Variants in DCP1A observed in about 807,000 individuals in gnomAD.
DCP1A encodes the protein mRNA-decapping enzyme 1A.
A neutral mutation model predicts 58.0 loss-of-function variants in DCP1A; 20 were observed. The ratio of observed to expected loss-of-function variants is 0.34; its 90% CI spans 0.24 to 0.50. DCP1A has a LOEUF of 0.50. Ranked by LOEUF, DCP1A falls within the 20% of genes least tolerant of loss-of-function variation. The pLI, the probability that DCP1A is intolerant of heterozygous loss-of-function variation, is 0.98. For missense variants in DCP1A, 613 were observed against 712.2 expected (o/e 0.86, Z 1.59); for synonymous variants, 285 against 275.1 (o/e 1.04, Z -0.36).
intron 5 of DCP1A, among the ~76,000 whole-genome samples, chr3:53,308,009 T>C (rs1263843562): frequency 1.3e-5 from 2 of 152,174 alleles, no homozygotes; most frequent in South Asian, 2.1e-4. Flanking sequence ...ATAAAAAAGA[T>C]AGTTATTTGG....
Position 53,286,947 on chromosome 3 carries a change from C to G in DCP1A, c.*633G>C, listed in dbSNP as rs1553685179. 1 of 152,260 alleles carries G rather than the reference C, an allele frequency of 6.6e-6. No individual in the cohort carries two copies. Among genetic ancestry groups the G allele is most frequent in the African/African-American group, 2.4e-5 (1 of 41,434 alleles). 9.4% of individuals were successfully genotyped at this position (152,260 alleles called of 1,614,324 possible). ...CAAATGGTAATGCTGCACTGGGGGC[C>G]TGCTGCAGGGCAGGACTGGGGCACT... On this transcript the variant is annotated 3_prime_UTR_variant, in exon 10 of 10. Coordinates refer to ENST00000610213, the MANE Select transcript of DCP1A (RefSeq NM_018403.7).
chr3:53,329,224 A>G lies in DCP1A; in HGVS notation c.305-9751T>C, dbSNP rs535545327. ...AGACTTGCCCTTGAACTGAGAAAGG[A>G]CAAGCAGAGAGACAAAAAAAGCACA... On this transcript the variant is annotated intron_variant, in intron 3 of 9. Coordinates refer to ENST00000610213, the MANE Select transcript of DCP1A (RefSeq NM_018403.7). 5.6e-5 allele frequency: 22 copies of G among 395,666 alleles called. No homozygotes were observed. In the East Asian group the frequency reaches 7.5e-4, roughly 14 times the overall value. 24.5% of individuals were successfully genotyped at this position (395,666 alleles called of 1,614,324 possible).
At chr3:53,294,203 C>G (rs1707036196) in intron 6 of DCP1A, among the ~76,000 whole-genome samples, 2 of 152,212 alleles carry the variant, frequency 1.3e-5, no homozygotes, top group African/African-American at 4.8e-5. Context: ...GATGAGCCAT[C>G]AGGCTTTATA....
chr3:53,287,808 T>C, intron 9 of DCP1A, 148 bp from the exon 10 acceptor site: 2 of 665,180 alleles, frequency 3.0e-6, no homozygotes, highest in Admixed American at 5.4e-5. Flanking sequence ...GATTAATATT[T>C]TGAGTTCATG....
chr3:53,305,846 G>A (rs550456347), intron 5 of DCP1A, among the ~76,000 whole-genome samples: 1 of 152,090 alleles, frequency 6.6e-6, no homozygotes, highest in African/African-American at 2.4e-5. Flanking sequence ...ATATTATTAA[G>A]TTACCATTAA....
chr3:53,336,164 C>T (rs781918891), intron 3 of DCP1A, among the ~76,000 whole-genome samples: 1 of 152,068 alleles, frequency 6.6e-6, no homozygotes, highest in Admixed American at 6.6e-5. Flanking sequence ...AGTGCAGTGG[C>T]ATGATCTTGG....
At chr3:53,346,016 G>A (rs1272618695) in intron 1 of DCP1A, among the ~76,000 whole-genome samples, 2 of 152,136 alleles carry the variant, frequency 1.3e-5, no homozygotes, top group Non-Finnish European at 2.9e-5. Context: ...ATTATAGCTT[G>A]TATTTCATAT....
intron 3 of DCP1A, among the ~76,000 whole-genome samples, chr3:53,334,327 A>G (rs931091486): frequency 1.5e-4 from 23 of 152,276 alleles, no homozygotes; most frequent in East Asian, 7.7e-4. Context: ...GGCAAATTCT[A>G]TATGTTTATC....
chr3:53,295,284 C>G (rs1707082759), intron 6 of DCP1A, among the ~76,000 whole-genome samples: 1 of 152,122 alleles, frequency 6.6e-6, no homozygotes. Flanking sequence ...GCAAGAACCT[C>G]CCACAGTTGT....
At chr3:53,322,372 A>AGCC (rs1553690081) in intron 3 of DCP1A, among the ~76,000 whole-genome samples, 5 of 151,880 alleles carry the variant, frequency 3.3e-5, no homozygotes, top group African/African-American at 1.2e-4. Context: ...GACTCTCTTG[A>AGCC]ACTGGGAGGT....
intron 4 of DCP1A, among the ~76,000 whole-genome samples, chr3:53,314,340 T>C (rs1310105796): frequency 6.6e-6 from 1 of 152,246 alleles, no homozygotes; most frequent in Non-Finnish European, 1.5e-5. Flanking sequence ...ACATGTAGTT[T>C]TTCTATCTAG....
rs946430775 is a variant in DCP1A at position 53,284,390 on chromosome 3, G to T, written c.*3190C>A. On this transcript the variant is annotated 3_prime_UTR_variant, in exon 10 of 10. Coordinates refer to ENST00000610213, the MANE Select transcript of DCP1A (RefSeq NM_018403.7). ...ATGGTTTAAAAATTTACCTAGTAGT[G>T]GATTTGATAGGGTTTATATAATTTC... The T allele has an allele frequency of 2.0e-5, 3 of 152,090 alleles. No individual in the cohort carries two copies. Among genetic ancestry groups the T allele is most frequent in the Admixed American group, 6.6e-5 (1 of 15,258 alleles). The allele number at this position is 152,090 out of a possible 1,614,324, so 9.4% of individuals were successfully genotyped here.
intron 4 of DCP1A, among the ~76,000 whole-genome samples, chr3:53,314,418 T>C (rs573906432): frequency 6.6e-6 from 1 of 152,326 alleles, no homozygotes; most frequent in South Asian, 2.1e-4. Context: ...AGCTTCATGG[T>C]AGACTGAAAG....
At chr3:53,341,896 C>T (rs1054666968) in intron 3 of DCP1A, among the ~76,000 whole-genome samples, 14 of 152,010 alleles carry the variant, frequency 9.2e-5, no homozygotes, top group African/African-American at 2.7e-4. Flanking sequence ...TGGCTGGTCT[C>T]GAACTCCTGA....
At chr3:53,296,269 AC>A (rs1296915842) in intron 6 of DCP1A, among the ~76,000 whole-genome samples, 1 of 152,224 alleles carries the variant, frequency 6.6e-6, no homozygotes, top group Non-Finnish European at 1.5e-5. Flanking sequence ...ATCATATCCC[AC>A]AATGCAAGAC....
Position 53,347,487 on chromosome 3 carries a change from TCTC to T in DCP1A, c.28_30del (p.Glu10del), listed in dbSNP as rs782348180. 3 of 1,613,170 alleles carry T rather than the reference TCTC, an allele frequency of 1.9e-6. No individual in the cohort carries two copies. The East Asian group carries it at 6.7e-5, about 36-fold the overall frequency. On this transcript the variant is annotated inframe_deletion, in exon 1 of 10. Coordinates refer to ENST00000610213, the MANE Select transcript of DCP1A (RefSeq NM_018403.7). ...TGTTGCTTCAGGGCCGCTAGGCTCA[TCTC>T]CTGCCCAGCTCGACTCAGCGCCTCC...
intron 6 of DCP1A, among the ~76,000 whole-genome samples, chr3:53,300,695 T>C (rs550200351): frequency 6.6e-6 from 1 of 152,190 alleles, no homozygotes; most frequent in Non-Finnish European, 1.5e-5. Context: ...TCGCCCAGGC[T>C]GGAGTGCAGT....
chr3:53,288,086 A>G lies in DCP1A; in HGVS notation c.1647T>C (p.Asp549=). 6.2e-7 allele frequency: 1 copy of G among 1,613,928 alleles called. No individual in the cohort carries two copies. The highest frequency in any genetic ancestry group is 8.5e-7 in the Non-Finnish European group (1 of 1,179,792). ...SIILSKSQLQ[D]TLIHLIKNDS... ...ATACCTTTATTAGATGTATTAATGT[A>G]TCCTGGAGCTGAGACTTGCTGAGAA... The change falls in exon 9 of 10, where the codon GAT becomes GAC. Residue 549 remains aspartate, a synonymous_variant. Coordinates refer to ENST00000610213, the MANE Select transcript of DCP1A (RefSeq NM_018403.7).
At chr3:53,296,726 A>C (rs1553686814) in intron 6 of DCP1A, among the ~76,000 whole-genome samples, 1 of 152,224 alleles carries the variant, frequency 6.6e-6, no homozygotes, top group Non-Finnish European at 1.5e-5. Context: ...TTTATGGCCG[A>C]ATAATGTTCC....
Sources: gnomAD v4.1 joint callset for allele counts (sites outside exome capture counted in the v4.1 genomes callset) on GRCh38, gnomAD v4.1.1 for gene constraint, MANE v1.5 for transcripts, NCBI Gene and HGNC (gene_info 2026-07-23, HGNC 2026-07-21) for gene names.